TRIM37: variants seen among roughly 807,000 people sequenced by gnomAD.
TRIM37 encodes the protein tripartite motif containing 37, also known as E3 ubiquitin-protein ligase TRIM37.
Under a neutral mutation model 129.8 loss-of-function variants are expected in TRIM37, and 80 were observed. That is an observed-to-expected ratio of 0.62 (90% CI 0.51 to 0.74). The LOEUF is 0.74. Among genes scored for constraint, TRIM37 ranks in the 30% least tolerant of loss-of-function variants. The probability of loss-of-function intolerance (pLI) is 0.00; values close to 1 mark genes in which losing one functional copy is unlikely to be tolerated. For synonymous variants in TRIM37, 389 were observed against 387.1 expected (o/e 1.00, Z -0.06); for missense variants, 1,054 against 1,176.5 (o/e 0.90, Z 1.52).
At chr17:58,983,440 C>G (rs2031504706) in intron 24 of TRIM37, 1 of 152,814 alleles carries the variant, frequency 6.5e-6, no homozygotes, top group African/African-American at 2.4e-5. Flanking sequence ...TTGTGAAATG[C>G]AGTGTTCTCT....
chr17:59,054,189 A>G (rs2040612162), intron 13 of TRIM37, among the ~76,000 whole-genome samples: 1 of 152,162 alleles, frequency 6.6e-6, no homozygotes, highest in Non-Finnish European at 1.5e-5. Flanking sequence ...ACTGTTAAAT[A>G]CTCTGAAACT....
At position 58,999,362 on chromosome 17, in the gene TRIM37, C is replaced by G. The variant is rs1377785006; in HGVS notation, c.*15G>C. 2 of 1,613,820 alleles carry G rather than the reference C, an allele frequency of 1.2e-6. No homozygotes were observed. Among genetic ancestry groups the G allele is most frequent in the Non-Finnish European group, 1.7e-6 (2 of 1,179,870 alleles). ...GGTCAAGGTAGCTTGCAAGTCAGTT[C>G]TCTTGATTTGGCAATTACCTTCCAC... On this transcript the variant is annotated 3_prime_UTR_variant, in exon 24 of 24. Coordinates refer to ENST00000262294, the MANE Select transcript of TRIM37 (RefSeq NM_015294.6).
downstream of TRIM37, chr17:58,981,102 A>T: frequency 1.8e-6 from 2 of 1,098,846 alleles, no homozygotes; most frequent in Non-Finnish European, 2.6e-6. Flanking sequence ...AACAAGGTAG[A>T]CATTTCTAAA....
At chr17:59,006,885 T>C (rs1479087764) in intron 22 of TRIM37, among the ~76,000 whole-genome samples, 1 of 151,526 alleles carries the variant, frequency 6.6e-6, no homozygotes, top group African/African-American at 2.4e-5. Context: ...CAACACTCTG[T>C]CTCCAAAAAA....
chr17:59,004,936 A>G (rs73993836), intron 22 of TRIM37, among the ~76,000 whole-genome samples: 3 of 152,290 alleles, frequency 2.0e-5, no homozygotes, highest in Non-Finnish European at 4.4e-5. Flanking sequence ...AAAAACAAAA[A>G]AACAAACTTT....
downstream of TRIM37, among the ~76,000 whole-genome samples, chr17:58,993,713 C>T (rs190900977): frequency 8.0e-4 from 122 of 152,008 alleles, no homozygotes; most frequent in Non-Finnish European, 1.4e-3. Context: ...ATTGTGGTGG[C>T]GGATACAAGA....
At chr17:59,017,546 A>T in intron 19 of TRIM37, 122 bp from the exon 20 acceptor site, 2 of 1,335,190 alleles carry the variant, frequency 1.5e-6, no homozygotes, top group Non-Finnish European at 2.1e-6. Context: ...CTGTCTAAAA[A>T]TAAACAACAT....
intron 23 of TRIM37, 64 bp from the exon 24 acceptor site, chr17:58,999,523 CT>C: frequency 7.5e-7 from 1 of 1,328,314 alleles, no homozygotes; most frequent in Non-Finnish European, 1.0e-6. Flanking sequence ...CAGTATTTTC[CT>C]TCCCAAGTCT....
At chr17:59,075,556 T>A (rs556649973) in intron 8 of TRIM37, 91 bp downstream of exon 8, 77 of 740,744 alleles carry the variant, frequency 1.0e-4, no homozygotes, top group South Asian at 1.0e-3. Context: ...AGAGAGAGAC[T>A]CCATCTCAAA....
At chr17:59,029,498 T>TTAAAATCAAAAG (rs2037604695) in intron 18 of TRIM37, among the ~76,000 whole-genome samples, 1 of 152,244 alleles carries the variant, frequency 6.6e-6, no homozygotes, top group Non-Finnish European at 1.5e-5. Context: ...CTAGATTACC[T>TTAAAATCAAAAG]GATACCTTTT....
At chr17:59,099,650 G>A (rs1193783114) in intron 2 of TRIM37, among the ~76,000 whole-genome samples, 1 of 152,050 alleles carries the variant, frequency 6.6e-6, no homozygotes, top group Non-Finnish European at 1.5e-5. Flanking sequence ...ACAGAGAAAC[G>A]CTAACTAAAA....
chr17:59,037,842 T>TTAGTTGCTCC (rs2038724946), intron 17 of TRIM37, among the ~76,000 whole-genome samples: 1 of 152,116 alleles, frequency 6.6e-6, no homozygotes, highest in South Asian at 2.1e-4. Flanking sequence ...TGAAATACAT[T>TTAGTTGCTCC]TAGTTGCTCC....
chr17:59,049,450 T>C, intron 14 of TRIM37, 57 bp from the exon 15 acceptor site: 1 of 1,449,248 alleles, frequency 6.9e-7, no homozygotes, highest in South Asian at 1.2e-5. Flanking sequence ...CAGTAAAAGA[T>C]GTCTCAAGTG....
At chr17:59,002,203 TA>T (rs1342253920) in intron 22 of TRIM37, among the ~76,000 whole-genome samples, 18 of 152,318 alleles carry the variant, frequency 1.2e-4, no homozygotes, top group African/African-American at 4.3e-4. Context: ...ATTGGGCATC[TA>T]ATTTTTTTGT....
chr17:59,035,226 AT>A (rs796961645), intron 17 of TRIM37, among the ~76,000 whole-genome samples: 2 of 151,524 alleles, frequency 1.3e-5, no homozygotes, highest in Non-Finnish European at 2.9e-5. Flanking sequence ...CACCAAGCTA[AT>A]TTTTTCTACT....
intron 18 of TRIM37, among the ~76,000 whole-genome samples, chr17:59,031,598 A>G (rs2037851061): frequency 6.6e-6 from 1 of 152,278 alleles, no homozygotes; most frequent in African/African-American, 2.4e-5. Flanking sequence ...TGACCAAAAA[A>G]AGTCCATTCA....
In TRIM37 at chr17:59,070,923, A is replaced by G; in HGVS notation, c.709T>C (p.Leu237=). 1 of 1,614,036 alleles carries G rather than the reference A, an allele frequency of 6.2e-7. No homozygotes were observed. Among genetic ancestry groups the G allele is most frequent in the Non-Finnish European group, 8.5e-7 (1 of 1,179,962 alleles). ...HQLRSCSKSE[L]ISKSSEILMM... is the part of the protein sequence containing the mutation. ...AGGATCTCTGAGCTCTTAGATATCA[A>G]CTCACTCTTACTACAAGACCGCAAC... Residue 237 remains leucine, a synonymous_variant, in exon 9 of 24, where the codon TTG becomes CTG. Transcript: ENST00000262294.
chr17:59,089,386 T>C (rs180740888), intron 3 of TRIM37, among the ~76,000 whole-genome samples: 23 of 152,314 alleles, frequency 1.5e-4, no homozygotes, highest in Admixed American at 5.2e-4. Flanking sequence ...CTCACACCTG[T>C]AATCCCAGCA....
chr17:59,062,531 T>C (rs1271371016), intron 11 of TRIM37, 36 bp downstream of exon 11: 3 of 1,544,554 alleles, frequency 1.9e-6, no homozygotes, highest in Non-Finnish European at 2.7e-6. Flanking sequence ...AGAAAGACCT[T>C]GGTTTCAAAA....
Sources: allele counts gnomAD v4.1 joint callset (sites outside exome capture counted in the v4.1 genomes callset), GRCh38; gene constraint gnomAD v4.1.1; transcripts MANE v1.5; gene names NCBI Gene and HGNC (gene_info 2026-07-23, HGNC 2026-07-21).